The following PARP2 variants were observed in gnomAD, a reference collection of about 807,000 sequenced individuals.
PARP2 encodes the protein poly(ADP-ribose) polymerase 2.
PARP2 carries 57 observed loss-of-function variants against 77.8 expected under a neutral mutation model. The ratio of observed to expected loss-of-function variants is 0.73; its 90% CI spans 0.59 to 0.91. The LOEUF is 0.91. Among genes scored for constraint, PARP2 ranks in the 40% least tolerant of loss-of-function variants. PARP2 has a pLI of 0.00. For synonymous variants in PARP2, 226 were observed against 242.6 expected (o/e 0.93, Z 0.64); for missense variants, 651 against 689.0 (o/e 0.94, Z 0.62).
chr14:20,356,756 T>C (rs959704912), intron 13 of PARP2, 67 bp downstream of exon 13: 56 of 1,245,768 alleles, frequency 4.5e-5, no homozygotes, highest in Non-Finnish European at 6.2e-5. Context: ...CAGTGCTTTT[T>C]TTCCTAGATT....
Position 20,357,828 on chromosome 14 carries a change from T to C in PARP2, c.*31T>C. 3 of 1,590,832 alleles carry C rather than the reference T, an allele frequency of 1.9e-6. No individual in the cohort carries two copies. The highest frequency in any genetic ancestry group is 1.1e-5 in the South Asian group (1 of 88,474). On this transcript the variant is annotated 3_prime_UTR_variant, in exon 16 of 16. Coordinates refer to ENST00000429687, the MANE Select transcript of PARP2 (RefSeq NM_001042618.2). ...GATATTAAATAAACCAGAGATCTGA[T>C]CTTCAAGCAAGAAAATAAGCAGTGT... is the stretch of plus-strand genomic sequence containing the variant.
At chr14:20,353,390 G>A (rs936527414) in intron 7 of PARP2, among the ~76,000 whole-genome samples, 28 of 151,972 alleles carry the variant, frequency 1.8e-4, no homozygotes, top group African/African-American at 4.6e-4. Context: ...ACAGGCGCCC[G>A]CCACCACGCC....
intron 6 of PARP2, 39 bp downstream of exon 6, chr14:20,351,161 C>T: frequency 6.6e-7 from 1 of 1,513,232 alleles, no homozygotes; most frequent in Non-Finnish European, 9.2e-7. Flanking sequence ...ATATACCCTC[C>T]TCTTCTTAGA....
At chr14:20,346,319 A>ATGTTT (rs1854165349) in intron 3 of PARP2, among the ~76,000 whole-genome samples, 1 of 129,360 alleles carries the variant, frequency 7.7e-6, no homozygotes, top group African/African-American at 3.1e-5. Context: ...CTCAGTTAGA[A>ATGTTT]TCTTTTTTTT....
Position 20,352,225 on chromosome 14 carries a change from T to C in PARP2, c.498-20T>C, listed in dbSNP as rs1388556468. On this transcript the variant is annotated intron_variant, in intron 6 of 15. Transcript: ENST00000429687. ...GTAGACCTTTATTTGTAAAGTTTTCTTACACCTTGGACTCTACAGATTCCT... is the reference window on the plus strand; with the variant it reads ...GTAGACCTTTATTTGTAAAGTTTTCCTACACCTTGGACTCTACAGATTCCT... 1.4e-6 allele frequency: 2 copies of C among 1,397,836 alleles called. No homozygotes were observed. The allele number at this position is 1,397,836 out of a possible 1,614,324, so 86.6% of individuals were successfully genotyped here. A position where few individuals can be genotyped will look rare whatever the true frequency, so the allele number is the denominator to read the frequency against.
chr14:20,348,442 A>C (rs1883844791), intron 4 of PARP2, among the ~76,000 whole-genome samples: 1 of 150,742 alleles, frequency 6.6e-6, no homozygotes, highest in Admixed American at 6.6e-5. Context: ...TATGTTGCTC[A>C]GGCTGGCCTT....
At chr14:20,343,722 G>C in intron 1 of PARP2, 35 bp downstream of exon 1, 3 of 1,603,076 alleles carry the variant, frequency 1.9e-6, no homozygotes, top group Non-Finnish European at 2.6e-6. Context: ...GGCATGCGGG[G>C]GGCGGGCAGT....
rs79820588 is a variant in PARP2 at position 20,352,569 on chromosome 14, G to A, written c.600+222G>A. 373 of 175,106 alleles carry A rather than the reference G, an allele frequency of 2.1e-3. 7 individuals carry two copies. In the African/African-American group the frequency reaches 0.027, roughly 13 times the overall value. The allele number at this position is 175,106 out of a possible 1,614,324, so 10.8% of individuals were successfully genotyped here. On this transcript the variant is annotated intron_variant, in intron 7 of 15. Coordinates refer to ENST00000429687, the MANE Select transcript of PARP2 (RefSeq NM_001042618.2). ...AGCTGATTTTTTTTCTTTTTTTTTT[G>A]TAAAGATGAGGTTTCACTATGTTGC...
chr14:20,355,684 T>C (rs1343796749), intron 9 of PARP2, 68 bp from the exon 10 acceptor site: 155 of 1,243,716 alleles, frequency 1.2e-4, no homozygotes, highest in Non-Finnish European at 1.7e-4. Context: ...TGTCATTTTC[T>C]ATTTTTAGTC....
rs548188203 is a variant in PARP2 at position 20,350,438 on chromosome 14, G to A, written c.325-88G>A. The stretch of plus-strand genomic sequence containing the variant: ...TATCCTTTTCCTTATGGAAATAACT[G>A]GCACCTGTGACGAAGGATGAGTCAT... On this transcript the variant is annotated intron_variant, in intron 4 of 15. Coordinates refer to ENST00000429687, the MANE Select transcript of PARP2 (RefSeq NM_001042618.2). 90 of 652,058 alleles carry A rather than the reference G, an allele frequency of 1.4e-4. No individual in the cohort carries two copies. The African/African-American group carries it at 1.5e-3, about 11-fold the overall frequency. The allele number at this position is 652,058 out of a possible 1,614,324, so 40.4% of individuals were successfully genotyped here.
chr14:20,352,839 ATGTGCCTTTCTAGTCT>A (rs1449462735), intron 7 of PARP2: 1 of 151,622 alleles, frequency 6.6e-6, no homozygotes, highest in Admixed American at 6.6e-5. Context: ...TGAGGATAGA[ATGTGCCTTTCTAGTCT>A]TGGCTCTGTT....
At chr14:20,343,720 G>C (rs772556873) in intron 1 of PARP2, 33 bp downstream of exon 1, 6 of 1,604,476 alleles carry the variant, frequency 3.7e-6, no homozygotes, top group Non-Finnish European at 5.1e-6. Flanking sequence ...ACGGCATGCG[G>C]GGGGCGGGCA....
Position 20,352,233 on chromosome 14 carries a change from T to C in PARP2, c.498-12T>C. 1 of 1,483,268 alleles carries C rather than the reference T, an allele frequency of 6.7e-7. No homozygotes were observed. The highest frequency in any genetic ancestry group is 9.4e-7 in the Non-Finnish European group (1 of 1,061,088). The allele number at this position is 1,483,268 out of a possible 1,614,324, so 91.9% of individuals were successfully genotyped here. A position where few individuals can be genotyped will look rare whatever the true frequency, so the allele number is the denominator to read the frequency against. On this transcript the variant is annotated splice_polypyrimidine_tract_variant and intron_variant, in intron 6 of 15. Coordinates refer to ENST00000429687, the MANE Select transcript of PARP2 (RefSeq NM_001042618.2). ...TTATTTGTAAAGTTTTCTTACACCT[T>C]GGACTCTACAGATTCCTTGACAAAA...
intron 13 of PARP2, 154 bp downstream of exon 13, chr14:20,356,843 T>C: frequency 1.4e-6 from 1 of 703,814 alleles, no homozygotes; most frequent in Non-Finnish European, 2.5e-6. Context: ...TGTCCCTCTT[T>C]CTTTAAATTC....
chr14:20,355,356 C>T (rs950306474), intron 9 of PARP2: 6 of 181,186 alleles, frequency 3.3e-5, no homozygotes, highest in African/African-American at 1.2e-4. Flanking sequence ...GGTTTACATC[C>T]GATTTCTATT....
chr14:20,354,268 C>T (rs1248486200), intron 8 of PARP2, 21 bp downstream of exon 8: 5 of 1,579,592 alleles, frequency 3.2e-6, no homozygotes, highest in Admixed American at 1.7e-5. Context: ...ACATTTTCTT[C>T]TGCATTCTCT....
chr14:20,348,937 T>A (rs1343872928), intron 4 of PARP2, among the ~76,000 whole-genome samples: 1 of 151,926 alleles, frequency 6.6e-6, no homozygotes. Context: ...GAGAATTGCT[T>A]GAACCTGGGA....
rs1392477601 is a variant in PARP2 at position 20,352,270 on chromosome 14, T to C, written c.523T>C (p.Trp175Arg). 1.2e-6 allele frequency: 2 copies of C among 1,612,670 alleles called. No individual in the cohort carries two copies. The highest frequency in any genetic ancestry group is 1.1e-5 in the South Asian group (1 of 91,060). ...KKFLDKTKNN[W>R]EDREKFEKVP... Reference sequence around the variant, plus strand: ...ATTCCTTGACAAAACGAAAAACAATTGGGAAGATCGAGAAAAGTTTGAGAA... The same window carrying C: ...ATTCCTTGACAAAACGAAAAACAATCGGGAAGATCGAGAAAAGTTTGAGAA... The change falls in exon 7 of 16, where the codon TGG becomes CGG. Residue 175 changes from tryptophan to arginine, a missense_variant. Trp to Arg is a moderately radical substitution (Grantham distance 101). Transcript: ENST00000429687.
chr14:20,347,799 GAGA>G lies in PARP2; in HGVS notation c.324+890_324+892del, dbSNP rs1475400552. 3.3e-5 allele frequency among the ~76,000 whole-genome samples: 5 copies of G among 151,646 alleles called. No individual in the cohort carries two copies. In the South Asian group the frequency reaches 6.2e-4, roughly 19 times the overall value. ...CTTATCAGATAGCAGAGTCCTCTGT[GAGA>G]AGATTTTTTTTTGCAAATTTCATAT... On this transcript the variant is annotated intron_variant, in intron 4 of 15. Coordinates refer to ENST00000429687, the MANE Select transcript of PARP2 (RefSeq NM_001042618.2).
Sources: allele counts gnomAD v4.1 joint callset (sites outside exome capture counted in the v4.1 genomes callset), GRCh38; gene constraint gnomAD v4.1.1; transcripts MANE v1.5; gene names NCBI Gene and HGNC (gene_info 2026-07-23, HGNC 2026-07-21).